The following PABPC1L variants were observed in gnomAD, a reference collection of about 807,000 sequenced individuals.
PABPC1L encodes the protein polyadenylate-binding protein 1-like.
A neutral mutation model predicts 66.6 loss-of-function variants in PABPC1L; 31 were observed. The ratio of observed to expected loss-of-function variants is 0.47; its 90% confidence interval spans 0.35 to 0.63. The LOEUF is 0.63. PABPC1L is among the 20% of genes least tolerant of loss of function. PABPC1L has a pLI of 0.00. For synonymous variants in PABPC1L, 348 were observed against 335.1 expected (o/e 1.04, Z -0.42); for missense variants, 722 against 848.8 (o/e 0.85, Z 1.86).
intron 1 of PABPC1L, among the ~76,000 whole-genome samples, chr20:44,911,818 AT>A (rs1169257512): frequency 1.3e-5 from 2 of 152,172 alleles, no homozygotes; most frequent in African/African-American, 4.8e-5. Flanking sequence ...TGCCCCAGGT[AT>A]TTATGATAAG....
intron 8 of PABPC1L, among the ~76,000 whole-genome samples, chr20:44,931,170 CCCTCCCTT>C (rs1183705484): frequency 4.0e-4 from 54 of 136,148 alleles, no homozygotes; most frequent in African/African-American, 8.7e-4. Flanking sequence ...CTTCCTTCTT[CCCTCCCTT>C]CCTCCCTTCC....
At chr20:44,924,300 C>T in intron 7 of PABPC1L, 44 bp downstream of exon 7, 1 of 1,427,954 alleles carries the variant, frequency 7.0e-7, no homozygotes. Context: ...TCCCCTCCAT[C>T]CTCTCACCAC....
intron 7 of PABPC1L, among the ~76,000 whole-genome samples, chr20:44,926,534 A>G (rs2066810889): frequency 6.7e-6 from 1 of 149,218 alleles, no homozygotes; most frequent in Admixed American, 6.7e-5. Flanking sequence ...CTACATATAT[A>G]TATATATTAT....
chr20:44,933,109 C>A lies in PABPC1L; in HGVS notation c.1383C>A (p.Arg461=). ...TCCGGCCACCAGTTGTGCCTCGGCGCCCCCCGGCCCACATCAGCAGTGTCA... is the reference window on the plus strand; with the variant it reads ...TCCGGCCACCAGTTGTGCCTCGGCGACCCCCGGCCCACATCAGCAGTGTCA... ...SMVRPPVVPR[R]PPAHISSVRQ... The change falls in exon 10 of 15, where the codon CGC becomes CGA. Residue 461 remains arginine (R), a synonymous_variant. Coordinates refer to ENST00000217073, the MANE Select transcript of PABPC1L (RefSeq NM_001372179.1). 6.2e-7 allele frequency: 1 copy of A among 1,605,180 alleles called. No homozygotes were observed. The highest frequency in any genetic ancestry group is 8.5e-7 in the Non-Finnish European group (1 of 1,176,638).
chr20:44,921,281 T>C (rs1370542036), intron 5 of PABPC1L, among the ~76,000 whole-genome samples: 2 of 151,920 alleles, frequency 1.3e-5, no homozygotes, highest in Non-Finnish European at 2.9e-5. Context: ...CCCGAGTAGC[T>C]GGGATTACAG....
At chr20:44,924,368 T>C in intron 7 of PABPC1L, 112 bp downstream of exon 7, 3 of 799,952 alleles carry the variant, frequency 3.8e-6, no homozygotes, top group Admixed American at 2.3e-5. Context: ...AGGGGGTTGG[T>C]GCCGGCTACC....
intron 7 of PABPC1L, among the ~76,000 whole-genome samples, chr20:44,927,303 T>G (rs1314900383): frequency 6.6e-6 from 1 of 152,120 alleles, no homozygotes; most frequent in African/African-American, 2.4e-5. Context: ...TGCTAAATTT[T>G]ATCATTATTA....
At chr20:44,921,867 G>A (rs2066776419) in intron 6 of PABPC1L, 136 bp downstream of exon 6, 1 of 1,319,156 alleles carries the variant, frequency 7.6e-7, no homozygotes, top group Non-Finnish European at 1.0e-6. Flanking sequence ...ATGAGCATGG[G>A]ATGGCCCCCA....
chr20:44,929,293 A>T (rs975045289), intron 7 of PABPC1L, among the ~76,000 whole-genome samples: 5 of 152,084 alleles, frequency 3.3e-5, no homozygotes, highest in African/African-American at 1.2e-4. Context: ...CAAAAAGACA[A>T]ACCCTAAATG....
intron 3 of PABPC1L, among the ~76,000 whole-genome samples, chr20:44,918,576 G>A (rs1430855137): frequency 2.6e-5 from 4 of 152,210 alleles, no homozygotes; most frequent in Non-Finnish European, 5.9e-5. Flanking sequence ...ACTGCAGAGC[G>A]AGGATTCAAG....
chr20:44,915,470 G>C (rs1277722214), intron 2 of PABPC1L, among the ~76,000 whole-genome samples: 1 of 152,068 alleles, frequency 6.6e-6, no homozygotes, highest in Non-Finnish European at 1.5e-5. Flanking sequence ...GAGTCAGGAG[G>C]GTTACAGAAT....
chr20:44,933,180 G>T lies in PABPC1L; in HGVS notation c.1454G>T (p.Arg485Ile). The T allele has an allele frequency of 6.2e-7, 1 of 1,603,454 alleles. No individual in the cohort carries two copies. Among genetic ancestry groups the T allele is most frequent in the Non-Finnish European group, 8.5e-7 (1 of 1,175,696 alleles). Residue 485 changes from arginine (R) to isoleucine (I), a missense_variant, in exon 10 of 15, where the codon AGA becomes ATA. By Grantham distance (97) the Arg-to-Ile change is moderately conservative. Coordinates refer to ENST00000217073, the MANE Select transcript of PABPC1L (RefSeq NM_001372179.1). ...CCACGCACGGTGCCTCATACCCAGAGAGTAGGTGAGTGTGGGTAGGGCCAA... is the reference window on the plus strand; with the variant it reads ...CCACGCACGGTGCCTCATACCCAGATAGTAGGTGAGTGTGGGTAGGGCCAA... Reference protein sequence around the residue: ...QVPRTVPHTQRVANIGTQTTG... With the variant: ...QVPRTVPHTQIVANIGTQTTG...
chr20:44,910,545 G>C (rs1181726131), intron 1 of PABPC1L, among the ~76,000 whole-genome samples: 1 of 145,980 alleles, frequency 6.9e-6, no homozygotes. Context: ...CTACAGAGGA[G>C]AGAGATTAGG....
chr20:44,925,636 G>T lies in PABPC1L; in HGVS notation c.972+1380G>T, dbSNP rs542402432. On this transcript the variant is annotated intron_variant, in intron 7 of 14. Transcript: ENST00000217073. ...GAAGTGGTCTAGAAGTTCTCTTTTG[G>T]CTACTGAGTCCAGTTGTAAACATCC... Among the ~76,000 whole-genome samples, 5 of 152,292 alleles carry T rather than the reference G, an allele frequency of 3.3e-5. No homozygotes were observed. In the East Asian group the frequency reaches 9.6e-4, roughly 29 times the overall value.
At chr20:44,932,553 C>T in intron 9 of PABPC1L, 121 bp downstream of exon 9, 2 of 807,728 alleles carry the variant, frequency 2.5e-6, no homozygotes, top group Non-Finnish European at 3.9e-6. Flanking sequence ...CTTCACTTCT[C>T]TGAGCCTCAG....
intron 8 of PABPC1L, among the ~76,000 whole-genome samples, 156 bp downstream of exon 8, chr20:44,930,882 A>T (rs1479051086): frequency 6.6e-6 from 1 of 152,218 alleles, no homozygotes; most frequent in Non-Finnish European, 1.5e-5. Context: ...AAAGGGAGAG[A>T]TAGTGTTAGT....
At position 44,916,888 on chromosome 20, in the gene PABPC1L, G is replaced by T; in HGVS notation, c.503+17G>T. ...CCGCAAAGTGTGAGTGGCTGGGCCC[G>T]AGGGAGGGGCGGAGGCTGCAGGGAC... On this transcript the variant is annotated intron_variant, in intron 3 of 14. Transcript: ENST00000217073. 2 of 1,610,556 alleles carry T rather than the reference G, an allele frequency of 1.2e-6. No individual in the cohort carries two copies. The highest frequency in any genetic ancestry group is 2.2e-5 in the South Asian group (2 of 91,004).
In PABPC1L at chr20:44,912,716, A is replaced by G. The variant is rs377752035; in HGVS notation, c.250A>G (p.Ile84Val). ...FEMLKGQPIRIMWSQRDPGLR... is the reference protein window; with the variant it reads ...FEMLKGQPIRVMWSQRDPGLR... ...GATGCTCAAAGGCCAGCCTATTCGC[A>G]TCATGTGGTCCCAGCGAGACCCAGG... Residue 84 changes from isoleucine to valine, a missense_variant, in exon 2 of 15, where the codon ATC (isoleucine) becomes GTC (valine). By Grantham distance (29) the Ile-to-Val change is conservative. This residue lies in a region of PABPC1L where 284 missense variants were observed against 294.8 expected (regional missense o/e 0.96). Transcript: ENST00000217073. 1.1e-5 allele frequency: 18 copies of G among 1,614,078 alleles called. No homozygotes were observed. Among genetic ancestry groups the G allele is most frequent in the Non-Finnish European group, 1.4e-5 (17 of 1,180,028 alleles).
chr20:44,917,520 T>C (rs1187305937), intron 3 of PABPC1L, among the ~76,000 whole-genome samples: 3 of 152,042 alleles, frequency 2.0e-5, no homozygotes, highest in Non-Finnish European at 4.4e-5. Context: ...CTTTAAACCT[T>C]TTGTGTTTCA....
Sources: allele counts gnomAD v4.1 joint callset (sites outside exome capture counted in the v4.1 genomes callset), GRCh38; gene constraint gnomAD v4.1.1; regional missense constraint gnomAD v4.1.1; transcripts MANE v1.5; gene names NCBI Gene and HGNC (gene_info 2026-07-23, HGNC 2026-07-21).